Variants in NEXMIF observed in about 807,000 individuals in gnomAD.
NEXMIF encodes the protein neurite extension and migration factor.
A neutral mutation model predicts 62.1 loss-of-function variants in NEXMIF; 8 were observed. The observed-to-expected ratio is 0.13, with a 90% CI of 0.08 to 0.23. NEXMIF has a LOEUF of 0.23. Ranked by LOEUF, NEXMIF falls within the 10% of genes least tolerant of loss-of-function variation. NEXMIF has a pLI of 1.00. For synonymous variants in NEXMIF, 404 were observed against 416.6 expected (o/e 0.97, Z 0.37); for missense variants, 976 against 1,113.3 (o/e 0.88, Z 1.75).
chrX:74,829,216 CTTAG>C (rs1258713165), intron 1 of NEXMIF, among the ~76,000 whole-genome samples: 1 of 111,853 alleles, frequency 8.9e-6, no homozygotes, highest in Non-Finnish European at 1.9e-5. Context: ...CAATTATACT[CTTAG>C]TTATTTTTAA....
At chrX:74,892,727 T>G (rs749593841) in intron 1 of NEXMIF, among the ~76,000 whole-genome samples, 18 of 112,213 alleles carry the variant, frequency 1.6e-4, no homozygotes, top group Admixed American at 7.6e-4. Context: ...CACCATGAAG[T>G]GAGAAACATC....
intron 1 of NEXMIF, among the ~76,000 whole-genome samples, chrX:74,884,978 C>T (rs1480843629): frequency 9.0e-6 from 1 of 110,834 alleles, no homozygotes; most frequent in African/African-American, 3.3e-5. Context: ...AACTAGAACT[C>T]AGGATTAAGA....
In NEXMIF at chrX:74,913,531, T is replaced by C. The variant is rs142165255; in HGVS notation, c.-48+11352A>G. ...AACTTCCAAAACTTGGCAAAAGACA[T>C]AAACCTTCAGACATAAGAAGCTTAG... On this transcript the variant is annotated intron_variant, in intron 1 of 3. Coordinates refer to ENST00000055682, the MANE Select transcript of NEXMIF (RefSeq NM_001008537.3). Among the ~76,000 whole-genome samples, 950 of 108,747 alleles carry C rather than the reference T, an allele frequency of 8.7e-3. 19 individuals are homozygous for C. The highest frequency in any genetic ancestry group is 0.031 in the African/African-American group (919 of 29,853). 94.4% of individuals were successfully genotyped at this position (108,747 alleles called of 115,157 possible).
chrX:74,761,262 C>G (rs1267574971), intron 1 of NEXMIF, among the ~76,000 whole-genome samples: 1 of 111,431 alleles, frequency 9.0e-6, no homozygotes, highest in Non-Finnish European at 1.9e-5. Context: ...CTCTCCCCCT[C>G]AATTTTTTGG....
chrX:74,837,674 T>G (rs1342890717), intron 1 of NEXMIF, among the ~76,000 whole-genome samples: 1 of 111,819 alleles, frequency 8.9e-6, no homozygotes, highest in Non-Finnish European at 1.9e-5. Flanking sequence ...AAGGCAGAAC[T>G]GCAAACACCA....
At chrX:74,891,970 A>T in intron 1 of NEXMIF, among the ~76,000 whole-genome samples, 1 of 112,562 alleles carries the variant, frequency 8.9e-6, no homozygotes, top group Non-Finnish European at 1.9e-5. Flanking sequence ...GCTATTACAA[A>T]ATATTTGCAC....
Position 74,872,931 on chromosome X carries a change from AT to A in NEXMIF, c.-48+51951del, listed in dbSNP as rs908267099. On this transcript the variant is annotated intron_variant, in intron 1 of 3. Coordinates refer to ENST00000055682, the MANE Select transcript of NEXMIF (RefSeq NM_001008537.3). ...CTGTAGTGCAATGCCTTATTTTTTT[AT>A]TTTTTATTTTTTTAGTTTTTATTTT... Among the ~76,000 whole-genome samples, 5 of 109,311 alleles carry A rather than the reference AT, an allele frequency of 4.6e-5. No individual in the cohort carries two copies. In the Admixed American group the frequency reaches 4.9e-4, roughly 11 times the overall value. The allele number at this position is 109,311 out of a possible 115,157, so 94.9% of individuals were successfully genotyped here.
intron 1 of NEXMIF, among the ~76,000 whole-genome samples, chrX:74,809,390 T>C (rs1419397678): frequency 8.9e-6 from 1 of 112,005 alleles, no homozygotes; most frequent in African/African-American, 3.2e-5. Flanking sequence ...TGAGCTGCAA[T>C]CTGTCAAGCA....
rs941849612 is a variant in NEXMIF at position 74,737,830 on chromosome X, C to T, written c.*1575G>A. The stretch of plus-strand genomic sequence containing the variant: ...TCCCTTCCCACTTATTCTCCACCCT[C>T]CCACCCCAGCCTATATATTCACAAG... On this transcript the variant is annotated 3_prime_UTR_variant, in exon 4 of 4. Coordinates refer to ENST00000055682, the MANE Select transcript of NEXMIF (RefSeq NM_001008537.3). 2 of 110,895 alleles carry T rather than the reference C, an allele frequency of 1.8e-5. No individual in the cohort carries two copies. The highest frequency in any genetic ancestry group is 6.6e-5 in the African/African-American group (2 of 30,386). 9.1% of individuals were successfully genotyped at this position (110,895 alleles called of 1,213,427 possible).
chrX:74,841,738 A>G (rs765927383), intron 1 of NEXMIF, among the ~76,000 whole-genome samples: 25 of 112,019 alleles, frequency 2.2e-4, no homozygotes, highest in African/African-American at 7.8e-4. Flanking sequence ...TGAGATAATC[A>G]TGTGGGTTTT....
chrX:74,755,035 T>A (rs2080155517), intron 1 of NEXMIF, among the ~76,000 whole-genome samples: 1 of 111,912 alleles, frequency 8.9e-6, no homozygotes, highest in South Asian at 3.8e-4. Context: ...ATCAGGGTAG[T>A]TCCCAGGCCA....
At chrX:74,881,535 T>G (rs754865526) in intron 1 of NEXMIF, among the ~76,000 whole-genome samples, 18 of 111,345 alleles carry the variant, frequency 1.6e-4, no homozygotes, top group Non-Finnish European at 3.0e-4. Flanking sequence ...ACATCTTGGG[T>G]CAGGTACTTC....
intron 1 of NEXMIF, among the ~76,000 whole-genome samples, chrX:74,766,592 C>A (rs986616092): frequency 9.0e-6 from 1 of 111,725 alleles, no homozygotes; most frequent in African/African-American, 3.3e-5. Context: ...TGTTAGTTTC[C>A]TTTTTTATAC....
intron 1 of NEXMIF, among the ~76,000 whole-genome samples, chrX:74,887,968 A>G (rs1235482302): frequency 8.9e-6 from 1 of 112,054 alleles, no homozygotes; most frequent in Non-Finnish European, 1.9e-5. Flanking sequence ...ATGCAGCTAT[A>G]AAAAAGGATG....
intron 1 of NEXMIF, among the ~76,000 whole-genome samples, chrX:74,821,621 A>G (rs766228140): frequency 6.2e-5 from 7 of 112,266 alleles, no homozygotes; most frequent in Non-Finnish European, 9.4e-5. Context: ...ATTAGTTTTC[A>G]ATCTCCTCCC....
chrX:74,889,589 G>C (rs1255757396), intron 1 of NEXMIF, among the ~76,000 whole-genome samples: 2 of 111,127 alleles, frequency 1.8e-5, no homozygotes, highest in African/African-American at 6.5e-5. Context: ...ATGGTTGCAT[G>C]GTGTACAAAT....
chrX:74,836,984 G>A (rs898995044), intron 1 of NEXMIF, among the ~76,000 whole-genome samples: 3 of 111,703 alleles, frequency 2.7e-5, no homozygotes, highest in African/African-American at 6.5e-5. Context: ...TGGGATGGAT[G>A]ATTGATCCCT....
At chrX:74,882,264 G>A (rs189785509) in intron 1 of NEXMIF, among the ~76,000 whole-genome samples, 25 of 112,028 alleles carry the variant, frequency 2.2e-4, no homozygotes, top group Non-Finnish European at 3.9e-4. Context: ...CTGAGGTAAC[G>A]GGTTCATCTC....
intron 1 of NEXMIF, among the ~76,000 whole-genome samples, chrX:74,850,341 A>C (rs183378836): frequency 4.5e-5 from 5 of 112,129 alleles, no homozygotes; most frequent in African/African-American, 1.6e-4. Flanking sequence ...CACTCTTTCC[A>C]AGCCCACTGC....
Sources: allele counts gnomAD v4.1 joint callset (sites outside exome capture counted in the v4.1 genomes callset), GRCh38; gene constraint gnomAD v4.1.1; transcripts MANE v1.5; gene names NCBI Gene and HGNC (gene_info 2026-07-23, HGNC 2026-07-21).